Variants in NLRP6 observed in about 807,000 individuals in gnomAD.
The protein encoded by NLRP6 is NLR family pyrin domain containing 6, also known as NACHT, LRR and PYD domains-containing protein 6.
NLRP6 carries 55 observed loss-of-function variants against 70.9 expected under a neutral mutation model. The observed-to-expected ratio is 0.78, with a 90% CI of 0.62 to 0.97. The LOEUF (loss-of-function observed/expected upper bound fraction) is 0.97, where lower values mean the gene tolerates loss of function less well. Ranked by LOEUF, NLRP6 falls within the 50% of genes least tolerant of loss-of-function variation. NLRP6 has a pLI of 0.00. For missense variants in NLRP6, 1,241 were observed against 1,238.3 expected (o/e 1.00, Z -0.03); for synonymous variants, 652 against 581.9 (o/e 1.12, Z -1.73).
chr11:282,366 G>C (rs1845491592), intron 4 of NLRP6, among the ~76,000 whole-genome samples: 1 of 152,186 alleles, frequency 6.6e-6, no homozygotes, highest in South Asian at 2.1e-4. Context: ...TTTGAATATA[G>C]CTCCAATTCA....
In NLRP6 at chr11:285,372, A is replaced by T; in HGVS notation, c.*68A>T. The T allele has an allele frequency of 6.6e-7, 1 of 1,522,564 alleles. No individual in the cohort carries two copies. The highest frequency in any genetic ancestry group is 9.0e-7 in the Non-Finnish European group (1 of 1,114,522). The allele number at this position is 1,522,564 out of a possible 1,614,324, so 94.3% of individuals were successfully genotyped here. A position where few individuals can be genotyped will look rare whatever the true frequency, so the allele number is the denominator to read the frequency against. On this transcript the variant is annotated 3_prime_UTR_variant, in exon 8 of 8. Transcript: ENST00000534750. ...CCCTGTGGAGAGAACGGCCCATTCC[A>T]AGGGCAGGAGGATATTGCTCTCGGC...
chr11:280,501 A>G lies in NLRP6; in HGVS notation c.767A>G (p.Gln256Arg). 1 of 1,581,104 alleles carries G rather than the reference A, an allele frequency of 6.3e-7. No homozygotes were observed. The highest frequency in any genetic ancestry group is 8.5e-7 in the Non-Finnish European group (1 of 1,173,834). ...AGCCTGGCTGACCTGATCCTGGACC[A>G]GTGCCCCGACCGCGGCGCGCCGGTG... is the stretch of plus-strand genomic sequence containing the variant. Reference protein sequence around the residue: ...TRSLADLILDQCPDRGAPVPQ... With the variant: ...TRSLADLILDRCPDRGAPVPQ... The change falls in exon 4 of 8, where the codon CAG becomes CGG. Residue 256 changes from glutamine to arginine, a missense_variant. Physicochemically the swap from Gln to Arg is conservative, Grantham distance 43 (BLOSUM62 1). Coordinates refer to ENST00000534750, the MANE Select transcript of NLRP6 (RefSeq NM_001276700.2).
Position 280,645 on chromosome 11 carries a change from G to A in NLRP6, c.911G>A (p.Gly304Asp). Residue 304 changes from glycine (G) to aspartate (D), a missense_variant, in exon 4 of 8, where the codon GGC (glycine) becomes GAC (aspartate). Gly to Asp is a moderately conservative substitution (Grantham distance 94, BLOSUM62 -1). Coordinates refer to ENST00000534750, the MANE Select transcript of NLRP6 (RefSeq NM_001276700.2). ...PCTDPFEAAS[G>D]ARVLGGLLSK... is the part of the protein sequence containing the mutation. ...ACAGACCCCTTCGAGGCGGCGAGCG[G>A]CGCGCGGGTGCTAGGCGGGCTGCTG... The A allele has an allele frequency of 6.6e-7, 1 of 1,510,472 alleles. No individual in the cohort carries two copies. The allele number at this position is 1,510,472 out of a possible 1,614,324, so 93.6% of individuals were successfully genotyped here.
Position 281,531 on chromosome 11 carries a change from G to T in NLRP6, c.1797G>T (p.Gly599=). The T allele has an allele frequency of 6.2e-7, 1 of 1,609,912 alleles. No homozygotes were observed. The highest frequency in any genetic ancestry group is 8.5e-7 in the Non-Finnish European group (1 of 1,178,176). ...CAGAGGTGACCGAGGGGGCCAAAGG[G>T]CTCGAGGACACCGAAGAGCCAGAGG... ...VAPEVTEGAK[G]LEDTEEPEEE... is the part of the protein sequence containing the mutation. The change falls in exon 4 of 8, where the codon GGG becomes GGT. Residue 599 remains glycine, a synonymous_variant. Coordinates refer to ENST00000534750, the MANE Select transcript of NLRP6 (RefSeq NM_001276700.2).
intron 3 of NLRP6, 72 bp downstream of exon 3, chr11:279,944 G>A (rs961908108): frequency 2.1e-6 from 3 of 1,444,474 alleles, no homozygotes; most frequent in Non-Finnish European, 2.7e-6. Flanking sequence ...ACCGGGGTGG[G>A]AGGGCCGCCA....
chr11:283,603 G>A (rs187766018), intron 5 of NLRP6, among the ~76,000 whole-genome samples: 17 of 152,140 alleles, frequency 1.1e-4, no homozygotes, highest in East Asian at 3.9e-4. Flanking sequence ...ATGAGCCACC[G>A]CGCCCGGCCA....
Sources: gnomAD v4.1 joint callset for allele counts (sites outside exome capture counted in the v4.1 genomes callset) on GRCh38, gnomAD v4.1.1 for gene constraint, MANE v1.5 for transcripts, NCBI Gene and HGNC (gene_info 2026-07-23, HGNC 2026-07-21) for gene names.